ZDHHC17: variants seen among roughly 807,000 people sequenced by gnomAD.
ZDHHC17 encodes the protein palmitoyltransferase ZDHHC17.
In ZDHHC17, 40 loss-of-function variants were observed where a neutral mutation model predicts 90.3. The observed-to-expected ratio is 0.44, with a 90% CI of 0.34 to 0.58. ZDHHC17 has a LOEUF of 0.58. ZDHHC17 is among the 20% of genes least tolerant of loss of function. The pLI is 0.01. For missense variants in ZDHHC17, 614 were observed against 780.8 expected (o/e 0.79, Z 2.55); for synonymous variants, 235 against 252.4 (o/e 0.93, Z 0.65).
chr12:76,820,577 G>A (rs1953152607), intron 7 of ZDHHC17, among the ~76,000 whole-genome samples: 1 of 152,120 alleles, frequency 6.6e-6, no homozygotes, highest in South Asian at 2.1e-4. Flanking sequence ...TAAAATTACT[G>A]AGCTCTGTTC....
At chr12:76,794,354 C>T (rs530745208) in intron 1 of ZDHHC17, among the ~76,000 whole-genome samples, 1 of 152,036 alleles carries the variant, frequency 6.6e-6, no homozygotes, top group African/African-American at 2.4e-5. Context: ...ACTCCTAGGC[C>T]TATTGATAGT....
intron 1 of ZDHHC17, among the ~76,000 whole-genome samples, chr12:76,782,411 A>G (rs1380100967): frequency 2.0e-5 from 3 of 152,230 alleles, no homozygotes; most frequent in Non-Finnish European, 4.4e-5. Context: ...GAGAAGAATA[A>G]ATGTAACAGA....
intron 3 of ZDHHC17, among the ~76,000 whole-genome samples, chr12:76,806,135 A>T (rs1162719219): frequency 6.6e-6 from 1 of 152,102 alleles, no homozygotes; most frequent in African/African-American, 2.4e-5. Flanking sequence ...TTACTCTCTC[A>T]CTCAGGTTGG....
intron 1 of ZDHHC17, among the ~76,000 whole-genome samples, chr12:76,781,129 G>A (rs1474994206): frequency 2.3e-5 from 2 of 85,154 alleles, no homozygotes; most frequent in Non-Finnish European, 4.4e-5. Context: ...GCGAGACTCC[G>A]TCTCAAAAAA....
chr12:76,822,854 C>A (rs541362521), intron 8 of ZDHHC17, among the ~76,000 whole-genome samples: 1 of 151,930 alleles, frequency 6.6e-6, no homozygotes. Context: ...CATGAGCCAC[C>A]GCGCCCAGCT....
rs184369291 is a variant in ZDHHC17 at position 76,833,575 on chromosome 12, G to A, written c.1141+5085G>A. 2.4e-3 allele frequency among the ~76,000 whole-genome samples: 362 copies of A among 151,958 alleles called. 6 individuals carry two copies. In the East Asian group the frequency reaches 0.056, roughly 23 times the overall value. Reference sequence around the variant, plus strand: ...TGGGAGGCCGAGGCAGGCGGATCACGAGGTCAGGAGACCGAGACCATCCTG... The same window carrying A: ...TGGGAGGCCGAGGCAGGCGGATCACAAGGTCAGGAGACCGAGACCATCCTG... On this transcript the variant is annotated intron_variant, in intron 10 of 16. Coordinates refer to ENST00000426126, the MANE Select transcript of ZDHHC17 (RefSeq NM_015336.4).
chr12:76,776,348 A>G lies in ZDHHC17; in HGVS notation c.93+12019A>G, dbSNP rs74104833. 6.8e-3 allele frequency among the ~76,000 whole-genome samples: 1,040 copies of G among 152,284 alleles called. 17 individuals carry two copies. Among genetic ancestry groups the G allele is most frequent in the African/African-American group, 0.024 (1,007 of 41,548 alleles). ...AGTAGTACAGAAGGATATATAGTTC[A>G]TGGTGAAGTCCCACAGTTCCCTGTC... On this transcript the variant is annotated intron_variant, in intron 1 of 16. Transcript: ENST00000426126.
At position 76,764,214 on chromosome 12, in the gene ZDHHC17, A is replaced by G. The variant is rs1415341230; in HGVS notation, c.-23A>G. 1 of 1,485,978 alleles carries G rather than the reference A, an allele frequency of 6.7e-7. No homozygotes were observed. Among genetic ancestry groups the G allele is most frequent in the East Asian group, 2.7e-5 (1 of 37,430 alleles). 92.0% of individuals were successfully genotyped at this position (1,485,978 alleles called of 1,614,324 possible). A position where few individuals can be genotyped will look rare whatever the true frequency, so the allele number is the denominator to read the frequency against. On this transcript the variant is annotated 5_prime_UTR_variant, in exon 1 of 17. Transcript: ENST00000426126. ...CCCTCCGCCTCGCCCGAGCCCCGGG[A>G]GGGTGAAACGCTTTCTCCCAGCATG... is the stretch of plus-strand genomic sequence containing the variant.
rs752105441 is a variant in ZDHHC17, at chr12:76,850,917, G to A, written c.1831G>A (p.Val611Met). 6 of 1,613,684 alleles carry A rather than the reference G, an allele frequency of 3.7e-6. No individual in the cohort carries two copies. The highest frequency in any genetic ancestry group is 1.7e-5 in the Admixed American group (1 of 59,982). ...CTGTGGCCTCTTTCGTCCTGTTATC[G>A]TGGACTGGACCAGGCAGTATACAAT... ...RCCGLFRPVI[V>M]DWTRQYTIEY... Residue 611 changes from valine to methionine, a missense_variant, in exon 17 of 17, where the codon GTG becomes ATG. Physicochemically the swap from Val to Met is conservative, Grantham distance 21. This residue lies in a region of ZDHHC17 where 111 missense variants were observed against 179.8 expected (regional missense o/e 0.62). Coordinates refer to ENST00000426126, the MANE Select transcript of ZDHHC17 (RefSeq NM_015336.4).
At chr12:76,807,428 A>C (rs1952967980) in intron 3 of ZDHHC17, among the ~76,000 whole-genome samples, 1 of 152,148 alleles carries the variant, frequency 6.6e-6, no homozygotes, top group South Asian at 2.1e-4. Flanking sequence ...AAAACCTAGG[A>C]TCATTAGTAC....
intron 5 of ZDHHC17, among the ~76,000 whole-genome samples, chr12:76,810,128 GTATC>G (rs1186696255): frequency 6.6e-6 from 1 of 152,000 alleles, no homozygotes; most frequent in African/African-American, 2.4e-5. Flanking sequence ...GAAAATATAA[GTATC>G]TATTTTTTCT....
intron 2 of ZDHHC17, among the ~76,000 whole-genome samples, chr12:76,803,980 A>T (rs1952924219): frequency 6.6e-6 from 1 of 152,216 alleles, no homozygotes; most frequent in African/African-American, 2.4e-5. Flanking sequence ...GCAGAAAAAA[A>T]GGGGCATATG....
rs532719993 is a variant in ZDHHC17, at chr12:76,776,486, ATATT to A, written c.93+12163_93+12166del. ...ATATATTTTACATACATGTTCATGT[ATATT>A]TATTTCCTTGTTTTTATTACATAAA... On this transcript the variant is annotated intron_variant, in intron 1 of 16. Coordinates refer to ENST00000426126, the MANE Select transcript of ZDHHC17 (RefSeq NM_015336.4). Among the ~76,000 whole-genome samples, 879 of 152,262 alleles carry A rather than the reference ATATT, an allele frequency of 5.8e-3. 10 individuals are homozygous for A. The highest frequency in any genetic ancestry group is 0.021 in the African/African-American group (854 of 41,532).
chr12:76,818,358 GTATT>G (rs1248168212), intron 7 of ZDHHC17, among the ~76,000 whole-genome samples: 4 of 152,162 alleles, frequency 2.6e-5, no homozygotes, highest in Non-Finnish European at 4.4e-5. Context: ...TAGAAACCAT[GTATT>G]TATTCGTTCA....
At chr12:76,817,332 A>C (rs1244892530) in intron 7 of ZDHHC17, among the ~76,000 whole-genome samples, 1 of 152,080 alleles carries the variant, frequency 6.6e-6, no homozygotes, top group Non-Finnish European at 1.5e-5. Context: ...ATCTGAATTC[A>C]GAGTGTTACT....
intron 1 of ZDHHC17, among the ~76,000 whole-genome samples, chr12:76,780,973 A>G (rs1366466929): frequency 6.8e-6 from 1 of 146,000 alleles, no homozygotes; most frequent in Non-Finnish European, 1.5e-5. Flanking sequence ...TAAAAATACA[A>G]AAAAAAAAAA....
intron 2 of ZDHHC17, 89 bp downstream of exon 2, chr12:76,797,626 A>G (rs1244976224): frequency 9.8e-7 from 1 of 1,017,156 alleles, no homozygotes; most frequent in East Asian, 2.9e-5. Context: ...TTTGGGAAAA[A>G]CATCAGTATA....
At chr12:76,780,645 A>C (rs918194958) in intron 1 of ZDHHC17, among the ~76,000 whole-genome samples, 2 of 152,112 alleles carry the variant, frequency 1.3e-5, no homozygotes, top group African/African-American at 4.8e-5. Context: ...CATGTGCCCC[A>C]CTTTCCAAGT....
intron 1 of ZDHHC17, among the ~76,000 whole-genome samples, chr12:76,767,646 G>A (rs1006079747): frequency 6.6e-6 from 1 of 152,180 alleles, no homozygotes; most frequent in East Asian, 1.9e-4. Context: ...TTGGCTGGGC[G>A]TGGTGGCTCA....
Sources: gnomAD v4.1 joint callset for allele counts (sites outside exome capture counted in the v4.1 genomes callset) on GRCh38, gnomAD v4.1.1 for gene constraint, gnomAD v4.1.1 regional missense constraint, MANE v1.5 for transcripts, NCBI Gene and HGNC (gene_info 2026-07-23, HGNC 2026-07-21) for gene names.